Variants in HTRA4 observed in about 807,000 individuals in gnomAD.
The protein encoded by HTRA4 is serine protease HTRA4.
In HTRA4, 46 loss-of-function variants were observed where a neutral mutation model predicts 49.1. The observed-to-expected ratio is 0.94, with a 90% CI of 0.74 to 1.20. The LOEUF (loss-of-function observed/expected upper bound fraction) is 1.20, where lower values mean the gene tolerates loss of function less well. Ranked by LOEUF, HTRA4 falls within the 50% of genes most tolerant of loss-of-function variation. The probability of loss-of-function intolerance (pLI) is 0.00; values close to 1 mark genes in which losing one functional copy is unlikely to be tolerated. For synonymous variants in HTRA4, 261 were observed against 264.0 expected, an observed-to-expected ratio of 0.99 and a Z score of 0.11; for missense variants, 602 against 636.9, an observed-to-expected ratio of 0.95 and a Z score of 0.59.
chr8:38,987,004 C>T (rs1835489581), intron 8 of HTRA4, among the ~76,000 whole-genome samples: 1 of 152,216 alleles, frequency 6.6e-6, no homozygotes, highest in Non-Finnish European at 1.5e-5. Context: ...ACTCACTGGT[C>T]CTAAGTCATC....
chr8:38,987,914 C>T lies in HTRA4; in HGVS notation c.1269-22C>T, dbSNP rs765069922. 2.4e-5 allele frequency: 36 copies of T among 1,527,560 alleles called. No individual in the cohort carries two copies. The Middle Eastern group carries it at 5.2e-4, about 22-fold the overall frequency. 94.6% of individuals were successfully genotyped at this position (1,527,560 alleles called of 1,614,324 possible). A position where few individuals can be genotyped will look rare whatever the true frequency, so the allele number is the denominator to read the frequency against. Reference sequence around the variant, plus strand: ...ATTCTTGTTATAGTTTCATGATCCTCTTTTTTTTCTCCCTCTCTCAGCTCT... The same window carrying T: ...ATTCTTGTTATAGTTTCATGATCCTTTTTTTTTTCTCCCTCTCTCAGCTCT... On this transcript the variant is annotated intron_variant, in intron 8 of 8. Transcript: ENST00000302495.
intron 8 of HTRA4, among the ~76,000 whole-genome samples, chr8:38,986,406 C>T (rs936380490): frequency 2.6e-5 from 4 of 152,124 alleles, no homozygotes; most frequent in Admixed American, 6.5e-5. Flanking sequence ...CCTCAGTCTC[C>T]CAAGTAGCTG....
Position 38,983,003 on chromosome 8 carries a change from C to T in HTRA4, c.1223C>T (p.Ser408Phe). 1 of 1,613,934 alleles carries T rather than the reference C, an allele frequency of 6.2e-7. No individual in the cohort carries two copies. The highest frequency in any genetic ancestry group is 8.5e-7 in the Non-Finnish European group (1 of 1,179,854). ...MHYPDFPDVS[S>F]GVYVCKVVEG... is the part of the protein sequence containing the mutation. ...TATCCAGATTTCCCTGATGTGAGTT[C>T]TGGGGTTTATGTATGTAAAGTGGTT... The change falls in exon 8 of 9, where the codon TCT becomes TTT. Residue 408 changes from serine (S) to phenylalanine (F), a missense_variant. By Grantham distance (155) the Ser-to-Phe change is radical. Coordinates refer to ENST00000302495, the MANE Select transcript of HTRA4 (RefSeq NM_153692.4).
intron 8 of HTRA4, among the ~76,000 whole-genome samples, chr8:38,983,516 A>G (rs1035167421): frequency 4.0e-5 from 6 of 151,632 alleles, no homozygotes; most frequent in African/African-American, 1.5e-4. Flanking sequence ...ACAGAGCAAG[A>G]CTCCACCTCA....
At chr8:38,985,241 A>T (rs1357057258) in intron 8 of HTRA4, among the ~76,000 whole-genome samples, 2 of 148,182 alleles carry the variant, frequency 1.3e-5, no homozygotes, top group East Asian at 4.1e-4. Flanking sequence ...GCTCACTGCA[A>T]CCTCTGCCTC....
At chr8:38,986,397 C>T (rs945981853) in intron 8 of HTRA4, among the ~76,000 whole-genome samples, 3 of 152,132 alleles carry the variant, frequency 2.0e-5, no homozygotes, top group African/African-American at 7.2e-5. Flanking sequence ...ATTCTTCTGC[C>T]TCAGTCTCCC....
At chr8:38,986,516 G>A (rs1479326253) in intron 8 of HTRA4, among the ~76,000 whole-genome samples, 2 of 152,154 alleles carry the variant, frequency 1.3e-5, no homozygotes, top group South Asian at 2.1e-4. Context: ...TGATCCACAC[G>A]CCTGTGGCTC....
At chr8:38,974,751 C>T (rs577858274) in intron 1 of HTRA4, 22 bp downstream of exon 1, 2 of 1,410,680 alleles carry the variant, frequency 1.4e-6, no homozygotes, top group South Asian at 1.6e-5. Flanking sequence ...GGGCGCGCGC[C>T]CTCGGAACAC....
chr8:38,987,858 A>G, intron 8 of HTRA4, 78 bp from the exon 9 acceptor site: 2 of 1,302,892 alleles, frequency 1.5e-6, no homozygotes, highest in Non-Finnish European at 2.1e-6. Flanking sequence ...ATTAAGACAG[A>G]AATATTAAAT....
In HTRA4 at chr8:38,976,703, T is replaced by C; in HGVS notation, c.735T>C (p.Leu245=). The change falls in exon 3 of 9, where the codon CTT becomes CTC. Residue 245 remains leucine, a synonymous_variant. Coordinates refer to ENST00000302495, the MANE Select transcript of HTRA4 (RefSeq NM_153692.4). Reference sequence around the variant, plus strand: ...AAGCTGTTGTCAAGGATATTGACCTTAAATTGGATCTTGCGGTGATTAAGA... The same window carrying C: ...AAGCTGTTGTCAAGGATATTGACCTCAAATTGGATCTTGCGGTGATTAAGA... The part of the protein sequence containing the change: ...RYEAVVKDID[L]KLDLAVIKIE... 1 of 1,614,204 alleles carries C rather than the reference T, an allele frequency of 6.2e-7. No homozygotes were observed. Among genetic ancestry groups the C allele is most frequent in the East Asian group, 2.2e-5 (1 of 44,882 alleles).
rs1364563466 is a variant in HTRA4, at chr8:38,976,727, G to C, written c.759G>C (p.Lys253Asn). The change falls in exon 3 of 9, where the codon AAG (lysine) becomes AAC (asparagine). Residue 253 changes from lysine (K) to asparagine (N), a missense_variant. Physicochemically the swap from Lys to Asn is moderately conservative, Grantham distance 94. Coordinates refer to ENST00000302495, the MANE Select transcript of HTRA4 (RefSeq NM_153692.4). ...TTAAATTGGATCTTGCGGTGATTAA[G>C]ATTGAATCAAATGTGAGTATTTCAG... ...IDLKLDLAVI[K>N]IESNAELPVL... 2 of 1,614,074 alleles carry C rather than the reference G, an allele frequency of 1.2e-6. No individual in the cohort carries two copies. The highest frequency in any genetic ancestry group is 1.6e-4 in the Middle Eastern group (1 of 6,084).
intron 8 of HTRA4, among the ~76,000 whole-genome samples, 191 bp downstream of exon 8, chr8:38,983,239 T>C (rs532382168): frequency 2.0e-5 from 3 of 152,276 alleles, no homozygotes; most frequent in Non-Finnish European, 4.4e-5. Flanking sequence ...AAGTTTAATT[T>C]AAATTAAAAA....
chr8:38,976,205 C>A (rs780214915), intron 2 of HTRA4, among the ~76,000 whole-genome samples: 16 of 152,028 alleles, frequency 1.1e-4, no homozygotes, highest in Admixed American at 9.8e-4. Flanking sequence ...TGAGGTCAGG[C>A]GTTCGAGAGC....
Position 38,974,721 on chromosome 8 carries a change from G to C in HTRA4, c.458G>C (p.Gly153Ala). 7.0e-7 allele frequency: 1 copy of C among 1,425,856 alleles called. No homozygotes were observed. The highest frequency in any genetic ancestry group is 9.1e-7 in the Non-Finnish European group (1 of 1,099,108). The allele number at this position is 1,425,856 out of a possible 1,614,324, so 88.3% of individuals were successfully genotyped here. Residue 153 changes from glycine (G) to alanine (A), a missense_variant, in exon 1 of 9, where the codon GGG (glycine) becomes GCG (alanine). Gly to Ala is a moderately conservative substitution (Grantham distance 60). Transcript: ENST00000302495. ...GTGCCTGTGCAGTGGGGGAACTGCG[G>C]GGATACAGGTGAGCCGCGGGGGCGC... Reference protein sequence around the residue: ...PAVPVQWGNCGDTGTRSAGPL... With the variant: ...PAVPVQWGNCADTGTRSAGPL...
At chr8:38,981,571 C>T (rs1389535834) in intron 5 of HTRA4, 82 bp from the exon 6 acceptor site, 1 of 898,908 alleles carries the variant, frequency 1.1e-6, no homozygotes, top group Non-Finnish European at 1.8e-6. Context: ...TAACTAGCTT[C>T]ACTCCTTCTT....
chr8:38,981,609 G>T lies in HTRA4; in HGVS notation c.1000-44G>T, dbSNP rs781052596. On this transcript the variant is annotated intron_variant, in intron 5 of 8. Transcript: ENST00000302495. ...GCTTGTTCTGGTCTTGCACTCATCA[G>T]TTTGCAAAACTTCATGACTGAATGA... The T allele has an allele frequency of 6.3e-6, 9 of 1,423,436 alleles. No homozygotes were observed. The African/African-American group carries it at 1.3e-4, about 20-fold the overall frequency. The allele number at this position is 1,423,436 out of a possible 1,614,324, so 88.2% of individuals were successfully genotyped here.
chr8:38,985,875 G>A (rs1220755776), intron 8 of HTRA4, among the ~76,000 whole-genome samples: 1 of 152,208 alleles, frequency 6.6e-6, no homozygotes, highest in Admixed American at 6.5e-5. Flanking sequence ...GTTAAAATGT[G>A]AAAATTAGTG....
In HTRA4 at chr8:38,974,357, G is replaced by C; in HGVS notation, c.94G>C (p.Glu32Gln). ...LLVPVLWAGA[E>Q]KLHTQPSCPA... ...GGTGCCCGTCCTCTGGGCCGGGGCT[G>C]AAAAGCTACATACCCAGCCCTCCTG... is the stretch of plus-strand genomic sequence containing the variant. The change falls in exon 1 of 9, where the codon GAA becomes CAA. Residue 32 changes from glutamate to glutamine, a missense_variant. Coordinates refer to ENST00000302495, the MANE Select transcript of HTRA4 (RefSeq NM_153692.4). The C allele has an allele frequency of 6.2e-7, 1 of 1,608,338 alleles. No homozygotes were observed. The highest frequency in any genetic ancestry group is 1.3e-5 in the African/African-American group (1 of 74,994).
In HTRA4 at chr8:38,977,958, A is replaced by T. The variant is rs768784882; in HGVS notation, c.777A>T (p.Glu259Asp). The change falls in exon 4 of 9, where the codon GAA (glutamate) becomes GAT (aspartate). Residue 259 changes from glutamate (E) to aspartate (D), a missense_variant. By Grantham distance (45) the Glu-to-Asp change is conservative (BLOSUM62 2). Coordinates refer to ENST00000302495, the MANE Select transcript of HTRA4 (RefSeq NM_153692.4). ...CCCTTTTTGGGCACGTGCAGGCTGAACTTCCTGTACTGATGCTGGGAAGAT... is the reference window on the plus strand; with the variant it reads ...CCCTTTTTGGGCACGTGCAGGCTGATCTTCCTGTACTGATGCTGGGAAGAT... ...LAVIKIESNA[E>D]LPVLMLGRSS... 1.2e-6 allele frequency: 2 copies of T among 1,613,058 alleles called. No individual in the cohort carries two copies. Among genetic ancestry groups the T allele is most frequent in the African/African-American group, 2.7e-5 (2 of 74,804 alleles).
Sources: gnomAD v4.1 joint callset for allele counts (sites outside exome capture counted in the v4.1 genomes callset) on GRCh38, gnomAD v4.1.1 for gene constraint, MANE v1.5 for transcripts, NCBI Gene and HGNC (gene_info 2026-07-23, HGNC 2026-07-21) for gene names.